Variants in GFRA1 observed in about 807,000 individuals in gnomAD.
GFRA1 encodes GDNF family receptor alpha 1.
A neutral mutation model predicts 51.6 loss-of-function variants in GFRA1; 16 were observed. The ratio of observed to expected loss-of-function variants is 0.31; its 90% CI spans 0.21 to 0.47. The LOEUF (loss-of-function observed/expected upper bound fraction) is 0.47. Among genes scored for constraint, GFRA1 ranks in the 20% least tolerant of loss-of-function variants. The probability of loss-of-function intolerance (pLI) is 1.00; values close to 1 mark genes in which losing one functional copy is unlikely to be tolerated. For synonymous variants in GFRA1, 270 were observed against 241.3 expected (o/e 1.12, Z -1.10); for missense variants, 530 against 594.3 (o/e 0.89, Z 1.13).
intron 5 of GFRA1, among the ~76,000 whole-genome samples, chr10:116,186,879 C>T (rs181293973): frequency 6.6e-6 from 1 of 152,310 alleles, no homozygotes; most frequent in African/African-American, 2.4e-5. Flanking sequence ...TGAAAGCAAA[C>T]TTCAAGTGCT....
At chr10:116,138,883 C>T (rs1958446013) in intron 5 of GFRA1, among the ~76,000 whole-genome samples, 1 of 152,148 alleles carries the variant, frequency 6.6e-6, no homozygotes. Context: ...TTGTTAGATT[C>T]CCATTGGAAG....
chr10:116,256,273 C>T (rs565348376), intron 4 of GFRA1, among the ~76,000 whole-genome samples: 25 of 152,280 alleles, frequency 1.6e-4, no homozygotes, highest in Non-Finnish European at 2.8e-4. Flanking sequence ...TCCTTGCCAC[C>T]GTGCTACTCT....
chr10:116,106,387 C>A (rs986322349), intron 6 of GFRA1, among the ~76,000 whole-genome samples: 1 of 152,198 alleles, frequency 6.6e-6, no homozygotes, highest in South Asian at 2.1e-4. Flanking sequence ...TCAGCTCAAT[C>A]GCTTACTAGC....
At chr10:116,255,770 A>G in intron 4 of GFRA1, 17 of 1,284,054 alleles carry the variant, frequency 1.3e-5, no homozygotes, top group Middle Eastern at 2.1e-4. Flanking sequence ...TTTCTGGCCC[A>G]CCACCATCTC....
At chr10:116,072,254 A>C (rs1955433160) in intron 9 of GFRA1, among the ~76,000 whole-genome samples, 1 of 152,172 alleles carries the variant, frequency 6.6e-6, no homozygotes, top group Non-Finnish European at 1.5e-5. Context: ...CTGCATCCCA[A>C]CTGGAGAGAG....
intron 5 of GFRA1, among the ~76,000 whole-genome samples, chr10:116,206,236 A>G (rs1195596843): frequency 6.6e-6 from 1 of 152,234 alleles, no homozygotes; most frequent in Non-Finnish European, 1.5e-5. Flanking sequence ...CCACACTCAT[A>G]AAGAAAACAA....
At chr10:116,114,508 G>A (rs150856198) in intron 6 of GFRA1, among the ~76,000 whole-genome samples, 469 of 152,300 alleles carry the variant, frequency 3.1e-3, no homozygotes, top group African/African-American at 0.011. Flanking sequence ...TGCTGTGGGT[G>A]CAGAGAAGTG....
At chr10:116,134,330 C>T (rs528160683) in intron 5 of GFRA1, among the ~76,000 whole-genome samples, 63 of 152,274 alleles carry the variant, frequency 4.1e-4, no homozygotes, top group East Asian at 1.9e-4. Flanking sequence ...CTAATAGGCT[C>T]CCTCTAATGT....
chr10:116,253,337 G>A (rs1394283904), intron 4 of GFRA1, among the ~76,000 whole-genome samples: 2 of 152,198 alleles, frequency 1.3e-5, no homozygotes, highest in Non-Finnish European at 2.9e-5. Context: ...ACCAGTTGCG[G>A]TGGCTCATGC....
Position 116,221,715 on chromosome 10 carries a change from G to A in GFRA1, c.419-10070C>T, listed in dbSNP as rs565405864. Reference sequence around the variant, plus strand: ...GCTGGGATTACAGGCGTGAATCACCGCACCTGGTCTGTGTTCATAATACTT... The same window carrying A: ...GCTGGGATTACAGGCGTGAATCACCACACCTGGTCTGTGTTCATAATACTT... On this transcript the variant is annotated intron_variant, in intron 4 of 10. Transcript: ENST00000355422. Among the ~76,000 whole-genome samples, 281 of 152,196 alleles carry A rather than the reference G, an allele frequency of 1.8e-3. 1 individual carries two copies. The highest frequency in any genetic ancestry group is 3.4e-3 in the Middle Eastern group (1 of 294).
At chr10:116,134,614 A>G (rs1288645753) in intron 5 of GFRA1, among the ~76,000 whole-genome samples, 1 of 152,246 alleles carries the variant, frequency 6.6e-6, no homozygotes, top group South Asian at 2.1e-4. Context: ...ATTGTATTAC[A>G]TGATGATGAA....
At chr10:116,124,310 A>C (rs1589807172) in intron 6 of GFRA1, among the ~76,000 whole-genome samples, 1 of 149,776 alleles carries the variant, frequency 6.7e-6, no homozygotes, top group South Asian at 2.1e-4. Flanking sequence ...CCTCACTGCA[A>C]CCTCCACCTC....
intron 9 of GFRA1, among the ~76,000 whole-genome samples, chr10:116,072,897 T>C (rs1955465114): frequency 6.6e-6 from 1 of 152,188 alleles, no homozygotes; most frequent in South Asian, 2.1e-4. Context: ...AAATCTAATG[T>C]GATACTCTAG....
chr10:116,093,918 C>T (rs997252092), intron 7 of GFRA1, 82 bp from the exon 8 acceptor site: 15 of 1,320,968 alleles, frequency 1.1e-5, no homozygotes, highest in Middle Eastern at 1.9e-4. Flanking sequence ...ATTCCTCTGA[C>T]GGCGGATGCA....
chr10:116,109,042 C>G (rs1034046697), intron 6 of GFRA1, among the ~76,000 whole-genome samples: 12 of 152,134 alleles, frequency 7.9e-5, no homozygotes, highest in African/African-American at 1.2e-4. Flanking sequence ...CTAAATGCTC[C>G]AACTACATTC....
At chr10:116,203,797 G>A (rs1230911424) in intron 5 of GFRA1, among the ~76,000 whole-genome samples, 1 of 152,236 alleles carries the variant, frequency 6.6e-6, no homozygotes, top group African/African-American at 2.4e-5. Context: ...GGAAGGTACA[G>A]AGGGTTTAAG....
chr10:116,156,971 C>T (rs565075519), intron 5 of GFRA1, among the ~76,000 whole-genome samples: 37 of 152,126 alleles, frequency 2.4e-4, no homozygotes, highest in Non-Finnish European at 4.1e-4. Flanking sequence ...TCTCAACTGC[C>T]GAAATAACTC....
At chr10:116,110,980 G>A (rs1231881106) in intron 6 of GFRA1, among the ~76,000 whole-genome samples, 1 of 152,140 alleles carries the variant, frequency 6.6e-6, no homozygotes. Context: ...ACACACGTGT[G>A]TTTGCTTGAG....
intron 4 of GFRA1, among the ~76,000 whole-genome samples, chr10:116,215,458 A>G (rs967462713): frequency 1.1e-4 from 17 of 152,194 alleles, no homozygotes; most frequent in Admixed American, 1.0e-3. Context: ...TCTCCTTTCA[A>G]TCTAACCAAC....
Sources: allele counts gnomAD v4.1 joint callset (sites outside exome capture counted in the v4.1 genomes callset), GRCh38; gene constraint gnomAD v4.1.1; transcripts MANE v1.5; gene names NCBI Gene and HGNC (gene_info 2026-07-23, HGNC 2026-07-21).